Variants in MAN2A1 observed in about 807,000 individuals in gnomAD.
MAN2A1 encodes the protein alpha-mannosidase 2.
Under a neutral mutation model 142.6 loss-of-function variants are expected in MAN2A1, and 76 were observed. The ratio of observed to expected loss-of-function variants is 0.53; its 90% CI spans 0.44 to 0.65. MAN2A1 has a LOEUF of 0.65. Among genes scored for constraint, MAN2A1 ranks in the 30% least tolerant of loss-of-function variants. MAN2A1 has a pLI of 0.00. For missense variants in MAN2A1, 1,311 were observed against 1,365.1 expected (o/e 0.96, Z 0.62); for synonymous variants, 559 against 473.2 (o/e 1.18, Z -2.35).
rs919653600 is a variant in MAN2A1, at chr5:109,801,834, A to G, written c.1943+12307A>G. Among the ~76,000 whole-genome samples, 4 of 152,206 alleles carry G rather than the reference A, an allele frequency of 2.6e-5. No individual in the cohort carries two copies. In the South Asian group the frequency reaches 8.3e-4, roughly 32 times the overall value. ...TATTCTAAAACCAAAACATAATTAG[A>G]TGCTGCAAAATTAAAAATTTAAAGA... On this transcript the variant is annotated intron_variant, in intron 12 of 21. Transcript: ENST00000261483.
intron 12 of MAN2A1, among the ~76,000 whole-genome samples, chr5:109,812,997 G>GA (rs1366824795): frequency 6.6e-6 from 1 of 152,010 alleles, no homozygotes; most frequent in East Asian, 1.9e-4. Flanking sequence ...TAAAGAACTT[G>GA]AAAAAATATG....
intron 4 of MAN2A1, among the ~76,000 whole-genome samples, chr5:109,738,288 CTCAT>C (rs1752165741): frequency 7.1e-6 from 1 of 141,178 alleles, no homozygotes; most frequent in African/African-American, 2.7e-5. Flanking sequence ...TCTGTATTAG[CTCAT>C]TCATTCATTC....
At chr5:109,827,425 A>G (rs570786719) in intron 16 of MAN2A1, among the ~76,000 whole-genome samples, 5 of 152,340 alleles carry the variant, frequency 3.3e-5, no homozygotes, top group East Asian at 1.9e-4. Context: ...TTTCTCCCCA[A>G]AGTAACTATT....
chr5:109,866,886 G>A lies in MAN2A1; in HGVS notation c.3323G>A (p.Ser1108Asn). ...QKLLNKFIVE[S>N]LTPSSLSLMH... is the part of the protein sequence containing the mutation. ...CTTTTAAACAAGTTTATTGTCGAAA[G>A]TCTCACACCTTCATCACTATCCTTG... The change falls in exon 22 of 22, where the codon AGT becomes AAT. Residue 1108 changes from serine (S) to asparagine (N), a missense_variant. Around this residue, in one of 3 missense-constraint regions of MAN2A1, gnomAD observed 890 missense variants for 920.5 expected, o/e 0.97. Transcript: ENST00000261483. 1 of 1,610,914 alleles carries A rather than the reference G, an allele frequency of 6.2e-7. No individual in the cohort carries two copies. Among genetic ancestry groups the A allele is most frequent in the Non-Finnish European group, 8.5e-7 (1 of 1,178,222 alleles).
intron 3 of MAN2A1, among the ~76,000 whole-genome samples, chr5:109,725,236 C>A (rs932807946): frequency 1.3e-5 from 2 of 152,182 alleles, no homozygotes; most frequent in Non-Finnish European, 2.9e-5. Context: ...ATCTAGAAGA[C>A]CAAATGTAGG....
chr5:109,819,753 G>C lies in MAN2A1; in HGVS notation c.2194G>C (p.Asp732His). The C allele has an allele frequency of 6.2e-7, 1 of 1,611,990 alleles. No homozygotes were observed. The highest frequency in any genetic ancestry group is 8.5e-7 in the Non-Finnish European group (1 of 1,178,604). ...AGCAAGTTCAAATTCACATTTAGCTGATTATGTCTTGTATAAGAATAAAGT... is the reference window on the plus strand; with the variant it reads ...AGCAAGTTCAAATTCACATTTAGCTCATTATGTCTTGTATAAGAATAAAGT... ...ESASSNSHLA[D>H]YVLYKNKVED... The change falls in exon 14 of 22, where the codon GAT (aspartate) becomes CAT (histidine). Residue 732 changes from aspartate to histidine, a missense_variant. Asp to His is a moderately conservative substitution (Grantham distance 81). This residue lies in a region of MAN2A1 where 890 missense variants were observed against 920.5 expected (regional missense o/e 0.97). Coordinates refer to ENST00000261483, the MANE Select transcript of MAN2A1 (RefSeq NM_002372.4).
At chr5:109,727,535 G>A (rs1193918755) in intron 3 of MAN2A1, among the ~76,000 whole-genome samples, 1 of 152,190 alleles carries the variant, frequency 6.6e-6, no homozygotes, top group Admixed American at 6.5e-5. Flanking sequence ...AGGGCATAGA[G>A]TGAATTCAGT....
intron 5 of MAN2A1, among the ~76,000 whole-genome samples, chr5:109,757,102 G>A (rs1752708707): frequency 6.6e-6 from 1 of 152,060 alleles, no homozygotes; most frequent in Non-Finnish European, 1.5e-5. Context: ...TTTTCCTTTT[G>A]CAGATTTTTT....
At chr5:109,770,080 C>T (rs1362830010) in intron 6 of MAN2A1, among the ~76,000 whole-genome samples, 1 of 152,108 alleles carries the variant, frequency 6.6e-6, no homozygotes, top group African/African-American at 2.4e-5. Flanking sequence ...AGTTTGTATC[C>T]CTCCTGGTCA....
intron 4 of MAN2A1, among the ~76,000 whole-genome samples, chr5:109,751,687 T>G (rs1752552788): frequency 6.6e-6 from 1 of 152,134 alleles, no homozygotes; most frequent in Admixed American, 6.6e-5. Context: ...ACAGTTATGG[T>G]AGCTTTTTAA....
intron 4 of MAN2A1, among the ~76,000 whole-genome samples, chr5:109,752,814 G>T (rs989704097): frequency 6.6e-6 from 1 of 152,154 alleles, no homozygotes; most frequent in African/African-American, 2.4e-5. Flanking sequence ...TAAGAATTCA[G>T]TCTTTGATGA....
chr5:109,839,629 TAGTGA>T, intron 16 of MAN2A1, among the ~76,000 whole-genome samples: 1 of 148,958 alleles, frequency 6.7e-6, no homozygotes, highest in East Asian at 2.0e-4. Context: ...CTGAACAACA[TAGTGA>T]GGCCCTGTCT....
intron 1 of MAN2A1, among the ~76,000 whole-genome samples, chr5:109,706,424 C>T (rs957755202): frequency 6.6e-6 from 1 of 152,192 alleles, no homozygotes; most frequent in African/African-American, 2.4e-5. Flanking sequence ...AGGTCCTGTG[C>T]TAAATTCTTT....
At chr5:109,777,214 G>C (rs868342904) in intron 8 of MAN2A1, among the ~76,000 whole-genome samples, 3 of 152,112 alleles carry the variant, frequency 2.0e-5, no homozygotes, top group Non-Finnish European at 4.4e-5. Flanking sequence ...AAGAGGTTCA[G>C]TTGTTCCACA....
rs148580038 is a variant in MAN2A1, at chr5:109,774,934, A to G, written c.1343A>G (p.Tyr448Cys). The G allele has an allele frequency of 3.8e-5, 61 of 1,609,124 alleles. No individual in the cohort carries two copies. The East Asian group carries it at 7.4e-4, about 19-fold the overall frequency. ...QFKNYQQLFD[Y>C]MNSQSKFKVK... is the part of the protein sequence containing the mutation. Reference sequence around the variant, plus strand: ...AAGAATTATCAGCAGCTTTTTGATTATATGAATTCTCAGTCCAAGTTTAAA... The same window carrying G: ...AAGAATTATCAGCAGCTTTTTGATTGTATGAATTCTCAGTCCAAGTTTAAA... Residue 448 changes from tyrosine (Y) to cysteine (C), a missense_variant, in exon 8 of 22, where the codon TAT becomes TGT. This residue lies in a region of MAN2A1 where 890 missense variants were observed against 920.5 expected (regional missense o/e 0.97). Coordinates refer to ENST00000261483, the MANE Select transcript of MAN2A1 (RefSeq NM_002372.4).
intron 3 of MAN2A1, among the ~76,000 whole-genome samples, chr5:109,716,795 T>A (rs1751466796): frequency 6.6e-6 from 1 of 152,152 alleles, no homozygotes; most frequent in South Asian, 2.1e-4. Context: ...TGAGACCAAG[T>A]TTTTTCCCTG....
intron 8 of MAN2A1, among the ~76,000 whole-genome samples, chr5:109,778,767 C>T (rs910329738): frequency 1.3e-5 from 2 of 151,990 alleles, no homozygotes; most frequent in African/African-American, 4.8e-5. Flanking sequence ...TACAGTTTAT[C>T]TAGTTATATC....
chr5:109,834,883 G>C (rs147924976), intron 16 of MAN2A1, among the ~76,000 whole-genome samples: 2,845 of 152,158 alleles, frequency 0.019, 35 homozygotes, highest in Middle Eastern at 0.071. Context: ...ATAATGAATG[G>C]TAAATTGAGT....
intron 4 of MAN2A1, among the ~76,000 whole-genome samples, chr5:109,733,572 G>C (rs374767195): frequency 6.6e-6 from 1 of 152,120 alleles, no homozygotes; most frequent in African/African-American, 2.4e-5. Context: ...TTAGCATGAA[G>C]TGTTGTTGAA....
Sources: allele counts gnomAD v4.1 joint callset (sites outside exome capture counted in the v4.1 genomes callset), GRCh38; gene constraint gnomAD v4.1.1; regional missense constraint gnomAD v4.1.1; transcripts MANE v1.5; gene names NCBI Gene and HGNC (gene_info 2026-07-23, HGNC 2026-07-21).